Variants in LRRTM4 observed in about 807,000 individuals in gnomAD.
The protein encoded by LRRTM4 is leucine-rich repeat transmembrane neuronal protein 4.
In LRRTM4, 25 loss-of-function variants were observed where a neutral mutation model predicts 47.6. That is an observed-to-expected ratio of 0.53 (90% CI 0.38 to 0.73). The LOEUF (loss-of-function observed/expected upper bound fraction) is 0.73, where lower values mean the gene tolerates loss of function less well. Ranked by LOEUF, LRRTM4 falls within the 30% of genes least tolerant of loss-of-function variation. The probability of loss-of-function intolerance (pLI) is 0.00; values close to 1 mark genes in which losing one functional copy is unlikely to be tolerated. For missense variants in LRRTM4, 638 were observed against 713.4 expected (o/e 0.89, Z 1.20); for synonymous variants, 311 against 269.5 (o/e 1.15, Z -1.51).
chr2:76,771,650 A>G (rs1189228210), intron 3 of LRRTM4, among the ~76,000 whole-genome samples: 1 of 141,800 alleles, frequency 7.1e-6, no homozygotes, highest in Non-Finnish European at 1.5e-5. Context: ...AGAAAAAAAA[A>G]AAAAAAAGAA....
At chr2:77,380,260 C>G (rs1295913976) in intron 3 of LRRTM4, among the ~76,000 whole-genome samples, 2 of 152,000 alleles carry the variant, frequency 1.3e-5, no homozygotes, top group Admixed American at 1.3e-4. Flanking sequence ...TAAGTGTTGG[C>G]AAGGTTTTAG....
intron 3 of LRRTM4, among the ~76,000 whole-genome samples, chr2:76,787,707 A>T (rs1466668457): frequency 6.6e-6 from 1 of 152,064 alleles, no homozygotes; most frequent in Non-Finnish European, 1.5e-5. Context: ...GTTGATTCTT[A>T]TCCCATGGGA....
chr2:77,102,177 C>T (rs1260219911), intron 3 of LRRTM4, among the ~76,000 whole-genome samples: 1 of 152,168 alleles, frequency 6.6e-6, no homozygotes, highest in African/African-American at 2.4e-5. Context: ...TGCAGACTCC[C>T]ACCCACTGAG....
chr2:77,241,927 G>T (rs1236566908), intron 3 of LRRTM4, among the ~76,000 whole-genome samples: 1 of 151,994 alleles, frequency 6.6e-6, no homozygotes, highest in African/African-American at 2.4e-5. Flanking sequence ...TGATCCCCTT[G>T]TTGAAAATCA....
intron 3 of LRRTM4, among the ~76,000 whole-genome samples, chr2:77,315,601 C>T (rs1479119773): frequency 6.6e-6 from 1 of 152,122 alleles, no homozygotes; most frequent in African/African-American, 2.4e-5. Context: ...CTAAACTTTA[C>T]TCAGGTTTCT....
chr2:77,462,507 T>C (rs970686468), intron 3 of LRRTM4, among the ~76,000 whole-genome samples: 1 of 152,022 alleles, frequency 6.6e-6, no homozygotes, highest in African/African-American at 2.4e-5. Context: ...CACTCCTGGC[T>C]ATCACCAATC....
chr2:76,955,933 A>G (rs1338084264), intron 3 of LRRTM4, among the ~76,000 whole-genome samples: 2 of 151,752 alleles, frequency 1.3e-5, no homozygotes, highest in Non-Finnish European at 1.5e-5. Flanking sequence ...CAGCAAGAAA[A>G]CATTGAATAA....
At chr2:76,770,586 C>A (rs1476289525) in intron 3 of LRRTM4, among the ~76,000 whole-genome samples, 1 of 152,128 alleles carries the variant, frequency 6.6e-6, no homozygotes, top group African/African-American at 2.4e-5. Flanking sequence ...AGTATTTTTG[C>A]TTGTTTCTTT....
intron 3 of LRRTM4, among the ~76,000 whole-genome samples, chr2:76,753,869 T>C (rs920969927): frequency 2.0e-5 from 3 of 152,172 alleles, no homozygotes; most frequent in South Asian, 2.1e-4. Context: ...GAAATTCCGA[T>C]ATTGTGACCC....
At chr2:77,468,462 C>T (rs1290104567) in intron 3 of LRRTM4, among the ~76,000 whole-genome samples, 1 of 152,254 alleles carries the variant, frequency 6.6e-6, no homozygotes, top group East Asian at 1.9e-4. Context: ...AGGTATGCTT[C>T]AAGTGTTTTT....
chr2:76,831,822 T>C (rs756400542), intron 3 of LRRTM4, among the ~76,000 whole-genome samples: 5 of 152,060 alleles, frequency 3.3e-5, no homozygotes, highest in Non-Finnish European at 7.4e-5. Flanking sequence ...TTAAAAAAAA[T>C]TGTATGTTTA....
intron 3 of LRRTM4, among the ~76,000 whole-genome samples, chr2:77,432,072 C>CA (rs1223443821): frequency 2.0e-5 from 3 of 151,190 alleles, no homozygotes; most frequent in Non-Finnish European, 4.4e-5. Context: ...GACTCCATCT[C>CA]AAAAAAAGAA....
chr2:76,815,886 G>GCTCTT (rs1246909915), intron 3 of LRRTM4, among the ~76,000 whole-genome samples: 2 of 151,948 alleles, frequency 1.3e-5, no homozygotes, highest in Non-Finnish European at 2.9e-5. Flanking sequence ...TGGGGGGTGG[G>GCTCTT]CTCTTCTAAA....
intron 3 of LRRTM4, among the ~76,000 whole-genome samples, chr2:77,345,773 T>A (rs563676626): frequency 1.3e-5 from 2 of 151,746 alleles, no homozygotes; most frequent in East Asian, 3.9e-4. Flanking sequence ...ACATTCACCA[T>A]ATGAATTTGT....
intron 3 of LRRTM4, among the ~76,000 whole-genome samples, chr2:76,914,228 A>G (rs1674168042): frequency 6.6e-6 from 1 of 152,014 alleles, no homozygotes; most frequent in South Asian, 2.1e-4. Flanking sequence ...CAATAACTTT[A>G]TATTATTAAT....
intron 3 of LRRTM4, among the ~76,000 whole-genome samples, chr2:76,910,824 T>C (rs1376066461): frequency 6.6e-6 from 1 of 152,232 alleles, no homozygotes; most frequent in Non-Finnish European, 1.5e-5. Context: ...CATTGGAATA[T>C]ATCTTGATTA....
At chr2:77,153,179 T>G (rs1397417222) in intron 3 of LRRTM4, among the ~76,000 whole-genome samples, 1 of 152,178 alleles carries the variant, frequency 6.6e-6, no homozygotes, top group Non-Finnish European at 1.5e-5. Context: ...TCTTCCCTAT[T>G]AAAACCAATA....
At chr2:76,952,392 A>T (rs527796431) in intron 3 of LRRTM4, among the ~76,000 whole-genome samples, 1 of 152,120 alleles carries the variant, frequency 6.6e-6, no homozygotes, top group Non-Finnish European at 1.5e-5. Context: ...GCATGAACAG[A>T]CATTTCTCAA....
chr2:77,172,022 A>T (rs1673062422), intron 3 of LRRTM4, among the ~76,000 whole-genome samples: 1 of 152,192 alleles, frequency 6.6e-6, no homozygotes, highest in Non-Finnish European at 1.5e-5. Context: ...GCTGCGATCA[A>T]CCTCAGCTAT....
Sources: allele counts gnomAD v4.1 joint callset (sites outside exome capture counted in the v4.1 genomes callset), GRCh38; gene constraint gnomAD v4.1.1; transcripts MANE v1.5; gene names NCBI Gene and HGNC (gene_info 2026-07-23, HGNC 2026-07-21).